GTF3C5: variants seen among roughly 807,000 people sequenced by gnomAD.
GTF3C5 encodes general transcription factor 3C polypeptide 5.
GTF3C5 carries 47 observed loss-of-function variants against 61.0 expected under a neutral mutation model. The ratio of observed to expected loss-of-function variants is 0.77; its 90% confidence interval spans 0.61 to 0.98. The LOEUF is 0.98. GTF3C5 is among the 50% of genes least tolerant of loss of function. GTF3C5 has a pLI of 0.00. For missense variants in GTF3C5, 659 were observed against 703.3 expected (o/e 0.94, Z 0.71); for synonymous variants, 295 against 275.4 (o/e 1.07, Z -0.71).
chr9:133,050,160 C>A (rs192365931), intron 3 of GTF3C5, among the ~76,000 whole-genome samples: 2 of 152,040 alleles, frequency 1.3e-5, no homozygotes, highest in Admixed American at 6.6e-5. Flanking sequence ...TTGCAGCCAG[C>A]CTTCTCGATG....
chr9:133,046,915 T>A (rs73662417), intron 3 of GTF3C5, among the ~76,000 whole-genome samples: 32 of 151,918 alleles, frequency 2.1e-4, no homozygotes, highest in African/African-American at 7.0e-4. Context: ...AGAATGGGGG[T>A]GGGGAGTGAA....
intron 1 of GTF3C5, among the ~76,000 whole-genome samples, chr9:133,038,449 G>A (rs538374979): frequency 7.4e-5 from 11 of 148,674 alleles, no homozygotes; most frequent in Admixed American, 1.3e-4. Flanking sequence ...ACCCCTAGGA[G>A]CTTTTTTTTT....
intron 3 of GTF3C5, among the ~76,000 whole-genome samples, chr9:133,048,811 C>T (rs1050488125): frequency 6.6e-6 from 1 of 152,260 alleles, no homozygotes; most frequent in Admixed American, 6.5e-5. Flanking sequence ...GGCCAGCTGC[C>T]CTCGGGCCCC....
intron 1 of GTF3C5, among the ~76,000 whole-genome samples, chr9:133,039,038 C>G (rs550218191): frequency 6.9e-4 from 105 of 152,310 alleles, no homozygotes; most frequent in Admixed American, 1.6e-3. Flanking sequence ...AGAACCCTAC[C>G]AGGTAGGAAC....
At chr9:133,053,365 G>A (rs925857922) in intron 5 of GTF3C5, among the ~76,000 whole-genome samples, 9 of 152,100 alleles carry the variant, frequency 5.9e-5, no homozygotes, top group Admixed American at 3.3e-4. Context: ...CGGGAGAATC[G>A]CTTGCATCCA....
intron 3 of GTF3C5, among the ~76,000 whole-genome samples, chr9:133,047,649 G>C (rs1850246420): frequency 6.6e-6 from 1 of 151,900 alleles, no homozygotes; most frequent in Non-Finnish European, 1.5e-5. Context: ...AGCCTCCCGA[G>C]TAGCTGGGAT....
Position 133,058,169 on chromosome 9 carries a change from C to T in GTF3C5, c.*189C>T. 6 of 1,421,444 alleles carry T rather than the reference C, an allele frequency of 4.2e-6. No homozygotes were observed. The highest frequency in any genetic ancestry group is 5.5e-6 in the Non-Finnish European group (6 of 1,086,318). 88.1% of individuals were successfully genotyped at this position (1,421,444 alleles called of 1,614,324 possible). On this transcript the variant is annotated 3_prime_UTR_variant, in exon 11 of 11. Coordinates refer to ENST00000372097, the MANE Select transcript of GTF3C5 (RefSeq NM_012087.4). ...TGTGACATGCTGCTTGGTGCTGCCTCTGGTCCTGAGGGGTTAGGGACATCC... is the reference window on the plus strand; with the variant it reads ...TGTGACATGCTGCTTGGTGCTGCCTTTGGTCCTGAGGGGTTAGGGACATCC...
intron 3 of GTF3C5, among the ~76,000 whole-genome samples, chr9:133,048,650 C>T (rs1850279334): frequency 6.6e-6 from 1 of 152,202 alleles, no homozygotes; most frequent in African/African-American, 2.4e-5. Context: ...GCCTGGGCAA[C>T]AAGAGTGAAA....
Position 133,043,848 on chromosome 9 carries a change from C to A in GTF3C5, c.494C>A (p.Pro165Gln). The part of the protein sequence containing the change: ...EKEAFFHQEL[P>Q]LYIPPPIFSR... Reference sequence around the variant, plus strand: ...GAGGCCTTTTTCCACCAGGAGCTGCCGCTCTACATCCCCCCACCCATCTTC... The same window carrying A: ...GAGGCCTTTTTCCACCAGGAGCTGCAGCTCTACATCCCCCCACCCATCTTC... Residue 165 changes from proline to glutamine, a missense_variant, in exon 3 of 11, where the codon CCG becomes CAG. Pro to Gln is a moderately conservative substitution (Grantham distance 76, BLOSUM62 -1). Coordinates refer to ENST00000372097, the MANE Select transcript of GTF3C5 (RefSeq NM_012087.4). The A allele has an allele frequency of 1.2e-6, 2 of 1,614,054 alleles. No individual in the cohort carries two copies. Among genetic ancestry groups the A allele is most frequent in the Non-Finnish European group, 1.7e-6 (2 of 1,179,924 alleles).
intron 1 of GTF3C5, among the ~76,000 whole-genome samples, chr9:133,031,381 C>T (rs1849728180): frequency 6.6e-6 from 1 of 152,028 alleles, no homozygotes; most frequent in Admixed American, 6.6e-5. Flanking sequence ...GGCGGAGTTT[C>T]GCTCTTGTTT....
At chr9:133,051,812 T>G (rs1452313972) in intron 4 of GTF3C5, among the ~76,000 whole-genome samples, 1 of 152,166 alleles carries the variant, frequency 6.6e-6, no homozygotes. Context: ...ACCATGTCTC[T>G]TATCGTTTGA....
intron 3 of GTF3C5, among the ~76,000 whole-genome samples, chr9:133,049,395 T>A (rs1478942449): frequency 3.3e-5 from 5 of 152,256 alleles, no homozygotes; most frequent in Admixed American, 3.3e-4. Flanking sequence ...ATCCCGTCTT[T>A]CTAGTTTTGT....
At chr9:133,047,360 G>A (rs899877356) in intron 3 of GTF3C5, among the ~76,000 whole-genome samples, 1 of 151,976 alleles carries the variant, frequency 6.6e-6, no homozygotes, top group Non-Finnish European at 1.5e-5. Flanking sequence ...AGAATAAATT[G>A]TACCTGTTAG....
intron 8 of GTF3C5, 184 bp downstream of exon 8, chr9:133,054,993 C>G (rs377269946): frequency 1.3e-6 from 2 of 1,551,696 alleles, no homozygotes. Context: ...AGCCCCAGGG[C>G]TGTGTGTGTT....
rs1458079450 is a variant in GTF3C5 at position 133,055,077 on chromosome 9, C to T, written c.1167+268C>T. Reference sequence around the variant, plus strand: ...CCAGCAGCTGCATGTGGTTGTCCTTCTCGAGCCCTTTGGGAGCCTGGGCCC... The same window carrying T: ...CCAGCAGCTGCATGTGGTTGTCCTTTTCGAGCCCTTTGGGAGCCTGGGCCC... On this transcript the variant is annotated intron_variant, in intron 8 of 10. Transcript: ENST00000372097. The T allele has an allele frequency of 3.9e-6, 6 of 1,551,100 alleles. No individual in the cohort carries two copies. The East Asian group carries it at 1.2e-4, about 32-fold the overall frequency.
intron 1 of GTF3C5, among the ~76,000 whole-genome samples, chr9:133,036,752 G>A (rs1441486625): frequency 2.0e-5 from 3 of 152,078 alleles, no homozygotes; most frequent in Non-Finnish European, 4.4e-5. Context: ...ATCCGTAAGC[G>A]GCAATATCCA....
intron 9 of GTF3C5, 128 bp from the exon 10 acceptor site, chr9:133,056,638 T>G (rs1015505557): frequency 1.3e-5 from 11 of 844,738 alleles, no homozygotes; most frequent in Admixed American, 3.2e-5. Flanking sequence ...AGTTCCTCTC[T>G]GTAGACTTCG....
chr9:133,058,261 C>A lies in GTF3C5; in HGVS notation c.*281C>A. 1 of 773,250 alleles carries A rather than the reference C, an allele frequency of 1.3e-6. No individual in the cohort carries two copies. Among genetic ancestry groups the A allele is most frequent in the Non-Finnish European group, 1.7e-6 (1 of 576,146 alleles). The allele number at this position is 773,250 out of a possible 1,614,324, so 47.9% of individuals were successfully genotyped here. On this transcript the variant is annotated 3_prime_UTR_variant, in exon 11 of 11. Coordinates refer to ENST00000372097, the MANE Select transcript of GTF3C5 (RefSeq NM_012087.4). The stretch of plus-strand genomic sequence containing the variant: ...AGCATCCAGCCAGTGAGTGGGCACC[C>A]AATGCCTCTCAGGATGAGACCAGTA...
chr9:133,032,832 G>A (rs527342029), intron 1 of GTF3C5, among the ~76,000 whole-genome samples: 3 of 152,162 alleles, frequency 2.0e-5, no homozygotes, highest in Non-Finnish European at 4.4e-5. Flanking sequence ...TGAAGAGATC[G>A]TTTATCCCAG....
Sources: gnomAD v4.1 joint callset for allele counts (sites outside exome capture counted in the v4.1 genomes callset) on GRCh38, gnomAD v4.1.1 for gene constraint, MANE v1.5 for transcripts, NCBI Gene and HGNC (gene_info 2026-07-23, HGNC 2026-07-21) for gene names.